ANXA4: variants seen among roughly 807,000 people sequenced by gnomAD.
ANXA4 encodes the protein annexin A4, also known as 35-beta calcimedin.
Under a neutral mutation model 49.8 loss-of-function variants are expected in ANXA4, and 39 were observed. The observed-to-expected ratio is 0.78, with a 90% CI of 0.61 to 1.02. The LOEUF (loss-of-function observed/expected upper bound fraction) is 1.02, where lower values mean the gene tolerates loss of function less well. ANXA4 is among the 50% of genes least tolerant of loss of function. ANXA4 has a pLI of 0.00. For missense variants in ANXA4, 360 were observed against 410.1 expected (o/e 0.88, Z 1.05); for synonymous variants, 134 against 152.5 (o/e 0.88, Z 0.89).
In ANXA4 at chr2:69,753,240, T is replaced by A. The variant is rs1274632496; in HGVS notation, c.-47+11065T>A. 2.0e-5 allele frequency among the ~76,000 whole-genome samples: 3 copies of A among 152,164 alleles called. No homozygotes were observed. In the South Asian group the frequency reaches 6.2e-4, roughly 31 times the overall value. On this transcript the variant is annotated intron_variant, in intron 1 of 12. Transcript: ENST00000394295. Reference sequence around the variant, plus strand: ...ATAAATTTTAAGTAAGGACTATGAGTGCCTGCACACATAGCGAGTGGCAGT... The same window carrying A: ...ATAAATTTTAAGTAAGGACTATGAGAGCCTGCACACATAGCGAGTGGCAGT...
intron 1 of ANXA4, among the ~76,000 whole-genome samples, chr2:69,754,737 G>A (rs1670979025): frequency 6.6e-6 from 1 of 152,230 alleles, no homozygotes; most frequent in Admixed American, 6.5e-5. Flanking sequence ...TTGAAAAGAT[G>A]ATATAATAGG....
At chr2:69,654,417 G>A (rs185017277) in intron 2 of ANXA4, among the ~76,000 whole-genome samples, 23 of 152,292 alleles carry the variant, frequency 1.5e-4, no homozygotes, top group Admixed American at 1.5e-3. Flanking sequence ...TATTGGGTGT[G>A]GGTTTGTCAT....
At chr2:69,755,349 G>C (rs1671001247) in intron 1 of ANXA4, among the ~76,000 whole-genome samples, 1 of 152,240 alleles carries the variant, frequency 6.6e-6, no homozygotes, top group Admixed American at 6.5e-5. Context: ...GCCAGGAACA[G>C]TGGCTCACGC....
intron 3 of ANXA4, among the ~76,000 whole-genome samples, chr2:69,723,608 C>T (rs1159549766): frequency 6.6e-6 from 1 of 152,206 alleles, no homozygotes; most frequent in African/African-American, 2.4e-5. Flanking sequence ...TTTGTCTATC[C>T]ACAAATTTTA....
At chr2:69,731,318 G>A (rs552754102) in intron 3 of ANXA4, among the ~76,000 whole-genome samples, 85 of 152,288 alleles carry the variant, frequency 5.6e-4, no homozygotes, top group African/African-American at 2.0e-3. Flanking sequence ...CTATCCATCT[G>A]CCAGACCTAC....
At chr2:69,733,264 A>G (rs1268450416) in intron 3 of ANXA4, among the ~76,000 whole-genome samples, 2 of 152,218 alleles carry the variant, frequency 1.3e-5, no homozygotes, top group Admixed American at 6.5e-5. Context: ...TTAATCTGCT[A>G]TAACAGCTGT....
At chr2:69,817,653 T>C (rs1389152198) in intron 9 of ANXA4, 1 of 152,228 alleles carries the variant, frequency 6.6e-6, no homozygotes, top group African/African-American at 2.4e-5. Context: ...AAGGCAGTTC[T>C]GGGGGTCTCA....
chr2:69,697,180 T>G (rs1429278021), intron 2 of ANXA4, among the ~76,000 whole-genome samples: 1 of 152,356 alleles, frequency 6.6e-6, no homozygotes, highest in South Asian at 2.1e-4. Flanking sequence ...ATCTATGATC[T>G]TAGCTAGATC....
intron 1 of ANXA4, among the ~76,000 whole-genome samples, chr2:69,743,274 G>A (rs1233567023): frequency 6.6e-6 from 1 of 152,090 alleles, no homozygotes; most frequent in African/African-American, 2.4e-5. Context: ...CTGGAGCGCA[G>A]TGATATGATC....
chr2:69,690,083 G>T lies in ANXA4; in HGVS notation n.767-30691G>T, dbSNP rs1573105856. The stretch of plus-strand genomic sequence containing the variant: ...CCTCGTTCTTTTTTACAGCTGTGTA[G>T]TACTCTGCCATGTGAACTGTGCATA... On this transcript the variant is annotated intron_variant and non_coding_transcript_variant, in intron 2 of 3. Transcript: ENST00000418066. Among the ~76,000 whole-genome samples the T allele has an allele frequency of 2.0e-5, 3 of 152,228 alleles. No individual in the cohort carries two copies. The South Asian group carries it at 6.2e-4, about 32-fold the overall frequency.
intron 1 of ANXA4, among the ~76,000 whole-genome samples, chr2:69,765,298 C>T (rs750640796): frequency 1.3e-5 from 2 of 152,114 alleles, no homozygotes; most frequent in Non-Finnish European, 2.9e-5. Context: ...GTTGAGGAAC[C>T]ACCATACTGT....
At chr2:69,787,060 TC>T (rs1670807575) in intron 2 of ANXA4, among the ~76,000 whole-genome samples, 1 of 152,178 alleles carries the variant, frequency 6.6e-6, no homozygotes, top group Admixed American at 6.5e-5. Flanking sequence ...CCCCTTTCTC[TC>T]CACCTGTGTG....
intron 2 of ANXA4, among the ~76,000 whole-genome samples, chr2:69,690,535 G>A (rs530045678): frequency 3.9e-5 from 6 of 152,146 alleles, no homozygotes; most frequent in Admixed American, 3.9e-4. Flanking sequence ...CACTGCGCCC[G>A]GCCCAGTCTT....
chr2:69,701,204 A>C (rs1678320204), intron 2 of ANXA4, among the ~76,000 whole-genome samples: 2 of 151,852 alleles, frequency 1.3e-5, no homozygotes, highest in Non-Finnish European at 2.9e-5. Flanking sequence ...GGCAAAAGAC[A>C]CCTAAAAATT....
chr2:69,753,867 A>T (rs1559145877), intron 1 of ANXA4, among the ~76,000 whole-genome samples: 2 of 152,254 alleles, frequency 1.3e-5, no homozygotes, highest in Non-Finnish European at 1.5e-5. Context: ...CTTGCAAAAA[A>T]GTCTGTGCAT....
At chr2:69,666,434 C>T (rs769086807) in intron 2 of ANXA4, among the ~76,000 whole-genome samples, 2 of 152,136 alleles carry the variant, frequency 1.3e-5, no homozygotes, top group Non-Finnish European at 1.5e-5. Context: ...TTGCTAGTTT[C>T]TCAAAAGGTT....
intron 2 of ANXA4, among the ~76,000 whole-genome samples, chr2:69,662,335 G>A (rs570712932): frequency 1.8e-4 from 28 of 152,210 alleles, no homozygotes; most frequent in Admixed American, 1.8e-3. Flanking sequence ...TCCTATGCAC[G>A]CTTGGAAGCT....
At chr2:69,802,431 G>A (rs1673242321) in intron 3 of ANXA4, among the ~76,000 whole-genome samples, 1 of 152,200 alleles carries the variant, frequency 6.6e-6, no homozygotes, top group South Asian at 2.1e-4. Flanking sequence ...AAAGCTATTG[G>A]GCTGGGTGCA....
At chr2:69,661,852 A>G (rs1364170354) in intron 2 of ANXA4, among the ~76,000 whole-genome samples, 2 of 152,190 alleles carry the variant, frequency 1.3e-5, no homozygotes, top group African/African-American at 4.8e-5. Flanking sequence ...CAGCATCCCC[A>G]ATACTGCACA....
Sources: allele counts gnomAD v4.1 joint callset (sites outside exome capture counted in the v4.1 genomes callset), GRCh38; gene constraint gnomAD v4.1.1; transcripts MANE v1.5; gene names NCBI Gene and HGNC (gene_info 2026-07-23, HGNC 2026-07-21).